Variants in TMCC1 observed in about 807,000 individuals in gnomAD.
The protein encoded by TMCC1 is transmembrane and coiled-coil domains protein 1.
Under a neutral mutation model 52.4 loss-of-function variants are expected in TMCC1, and 15 were observed. That is an observed-to-expected ratio of 0.29 (90% CI 0.19 to 0.44). TMCC1 has a LOEUF of 0.44. Among genes scored for constraint, TMCC1 ranks in the 20% least tolerant of loss-of-function variants. TMCC1 has a pLI of 1.00. For synonymous variants in TMCC1, 279 were observed against 301.9 expected (o/e 0.92, Z 0.79); for missense variants, 503 against 806.0 (o/e 0.62, Z 4.55).
At chr3:129,768,015 A>C (rs1238026554) in intron 4 of TMCC1, among the ~76,000 whole-genome samples, 1 of 152,110 alleles carries the variant, frequency 6.6e-6, no homozygotes, top group African/African-American at 2.4e-5. Flanking sequence ...ACATGGTGAA[A>C]CCTCATCTCT....
chr3:129,681,305 A>G (rs2088956131), intron 4 of TMCC1, among the ~76,000 whole-genome samples: 1 of 152,208 alleles, frequency 6.6e-6, no homozygotes, highest in Admixed American at 6.5e-5. Context: ...AAAATTCTAC[A>G]TATTTTATAA....
chr3:129,858,461 C>T (rs984229185), intron 2 of TMCC1, among the ~76,000 whole-genome samples: 7 of 152,328 alleles, frequency 4.6e-5, no homozygotes, highest in African/African-American at 1.7e-4. Flanking sequence ...ACCTCTGCCT[C>T]CTGGACTCTA....
intron 4 of TMCC1, among the ~76,000 whole-genome samples, chr3:129,699,311 T>C (rs2047642151): frequency 6.6e-6 from 1 of 152,168 alleles, no homozygotes; most frequent in Non-Finnish European, 1.5e-5. Flanking sequence ...GAAAAGTTCA[T>C]TATATGCTAA....
chr3:129,891,801 G>A (rs2061974736), intron 1 of TMCC1, among the ~76,000 whole-genome samples: 1 of 152,146 alleles, frequency 6.6e-6, no homozygotes, highest in Non-Finnish European at 1.5e-5. Context: ...GCCACTCTGA[G>A]GAGCTTAAAC....
chr3:129,765,830 C>G (rs150043760), intron 4 of TMCC1, among the ~76,000 whole-genome samples: 2 of 151,398 alleles, frequency 1.3e-5, no homozygotes, highest in Non-Finnish European at 2.9e-5. Flanking sequence ...ATCAGACCCT[C>G]ACTTTAAGAG....
intron 2 of TMCC1, chr3:129,869,246 C>T (rs551132575): frequency 6.6e-6 from 1 of 152,210 alleles, no homozygotes; most frequent in East Asian, 1.9e-4. Flanking sequence ...GTAGTGAATA[C>T]ATGGAGGTGC....
At chr3:129,854,212 T>G (rs1215457259) in intron 2 of TMCC1, among the ~76,000 whole-genome samples, 1 of 151,834 alleles carries the variant, frequency 6.6e-6, no homozygotes, top group Non-Finnish European at 1.5e-5. Context: ...GCCAACATGG[T>G]GAAACCCTGT....
chr3:129,765,486 G>T (rs987298865), intron 4 of TMCC1, among the ~76,000 whole-genome samples: 1 of 152,014 alleles, frequency 6.6e-6, no homozygotes, highest in Non-Finnish European at 1.5e-5. Flanking sequence ...TAGTTTCCAA[G>T]CTTATTAGAA....
In TMCC1 at chr3:129,670,375, C is replaced by T. The variant is rs374324986; in HGVS notation, c.1466G>A (p.Arg489Lys). The T allele has an allele frequency of 1.9e-6, 3 of 1,614,050 alleles. No homozygotes were observed. Among genetic ancestry groups the T allele is most frequent in the African/African-American group, 2.7e-5 (2 of 74,916 alleles). ...SFETLKEHYQ[R>K]DYSLIMQTLQ... Reference sequence around the variant, plus strand: ...GGTCTGCATTATTAAGGAATAGTCCCTCTGATAATGTTCCTTGAGAGTCTC... The same window carrying T: ...GGTCTGCATTATTAAGGAATAGTCCTTCTGATAATGTTCCTTGAGAGTCTC... The change falls in exon 5 of 7, where the codon AGG (arginine) becomes AAG (lysine). Residue 489 changes from arginine (R) to lysine (K), a missense_variant. Coordinates refer to ENST00000393238, the MANE Select transcript of TMCC1 (RefSeq NM_001017395.5).
intron 5 of TMCC1, among the ~76,000 whole-genome samples, chr3:129,668,244 T>A (rs1026770129): frequency 1.3e-5 from 2 of 152,196 alleles, no homozygotes; most frequent in South Asian, 2.1e-4. Context: ...TGTGTGGTTT[T>A]AAAAATTTTT....
chr3:129,679,281 C>A (rs1479201372), intron 4 of TMCC1, among the ~76,000 whole-genome samples: 3 of 152,172 alleles, frequency 2.0e-5, no homozygotes, highest in Non-Finnish European at 2.9e-5. Context: ...ACCTTAGCAG[C>A]GAGGACTTCT....
intron 4 of TMCC1, among the ~76,000 whole-genome samples, chr3:129,674,878 T>A (rs1470225263): frequency 6.6e-6 from 1 of 152,236 alleles, no homozygotes; most frequent in Non-Finnish European, 1.5e-5. Flanking sequence ...TTTGCTTTTG[T>A]TGCCCAGGCT....
intron 4 of TMCC1, among the ~76,000 whole-genome samples, chr3:129,671,708 T>G (rs1011754086): frequency 1.3e-5 from 2 of 152,242 alleles, no homozygotes; most frequent in African/African-American, 4.8e-5. Context: ...TCCACACTTA[T>G]AGATTATGGT....
chr3:129,882,816 G>A (rs931662669), intron 1 of TMCC1, among the ~76,000 whole-genome samples: 1 of 152,130 alleles, frequency 6.6e-6, no homozygotes, highest in African/African-American at 2.4e-5. Context: ...AGGTACCTAG[G>A]GTAGTCAAAT....
chr3:129,731,435 A>G (rs1310413780), intron 4 of TMCC1, among the ~76,000 whole-genome samples: 1 of 152,160 alleles, frequency 6.6e-6, no homozygotes, highest in Non-Finnish European at 1.5e-5. Flanking sequence ...AAAATTAGCT[A>G]GACATCGTGA....
intron 4 of TMCC1, among the ~76,000 whole-genome samples, chr3:129,685,486 A>T (rs959906290): frequency 2.0e-5 from 3 of 152,118 alleles, no homozygotes; most frequent in African/African-American, 7.2e-5. Flanking sequence ...AGAAATTAGT[A>T]TCTGATACAG....
At chr3:129,823,153 C>A (rs930508184) in intron 4 of TMCC1, among the ~76,000 whole-genome samples, 2 of 151,966 alleles carry the variant, frequency 1.3e-5, no homozygotes, top group African/African-American at 4.8e-5. Context: ...TGGTGAAACC[C>A]CATCTCTACT....
At chr3:129,857,599 TCA>T (rs755972862) in intron 2 of TMCC1, among the ~76,000 whole-genome samples, 5 of 152,112 alleles carry the variant, frequency 3.3e-5, no homozygotes, top group Non-Finnish European at 7.4e-5. Flanking sequence ...TCTCGCTCTG[TCA>T]CACAGGCTGG....
chr3:129,756,309 A>C (rs2053006630), intron 4 of TMCC1, among the ~76,000 whole-genome samples: 2 of 152,238 alleles, frequency 1.3e-5, no homozygotes, highest in South Asian at 4.1e-4. Flanking sequence ...GAATGACAGA[A>C]TAGGTAACTG....
Sources: gnomAD v4.1 joint callset for allele counts (sites outside exome capture counted in the v4.1 genomes callset) on GRCh38, gnomAD v4.1.1 for gene constraint, MANE v1.5 for transcripts, NCBI Gene and HGNC (gene_info 2026-07-23, HGNC 2026-07-21) for gene names.